The following TATDN3 variants were observed in gnomAD, a reference collection of about 807,000 sequenced individuals.
TATDN3 encodes deoxyribonuclease TATDN3.
In TATDN3, 29 loss-of-function variants were observed where a neutral mutation model predicts 40.1. The ratio of observed to expected loss-of-function variants is 0.72; its 90% CI spans 0.54 to 0.99. TATDN3 has a LOEUF of 0.99. Among genes scored for constraint, TATDN3 ranks in the 50% least tolerant of loss-of-function variants. The pLI, the probability that TATDN3 is intolerant of heterozygous loss-of-function variation, is 0.00. For synonymous variants in TATDN3, 105 were observed against 117.0 expected, an observed-to-expected ratio of 0.90 and a Z score of 0.66; for missense variants, 309 against 321.9, an observed-to-expected ratio of 0.96 and a Z score of 0.31.
intron 7 of TATDN3, among the ~76,000 whole-genome samples, chr1:212,806,753 T>C (rs1472019138): frequency 1.6e-5 from 1 of 62,464 alleles, no homozygotes; most frequent in African/African-American, 6.8e-5. Flanking sequence ...TCTCCATATA[T>C]ATATATATAT....
At chr1:212,811,369 G>A (rs966074806) in intron 8 of TATDN3, among the ~76,000 whole-genome samples, 5 of 152,056 alleles carry the variant, frequency 3.3e-5, no homozygotes, top group African/African-American at 1.2e-4. Context: ...CCAATCTCAA[G>A]TGATCAGCCT....
Position 212,812,622 on chromosome 1 carries a change from C to G in TATDN3, c.681+294C>G, listed in dbSNP as rs556112044. ...GACAAATTCAAATCCTGTTATCTAC[C>G]TAGTAGCTGACTTTGGGCAAGCTAC... On this transcript the variant is annotated intron_variant, in intron 9 of 9. Coordinates refer to ENST00000366974, the MANE Select transcript of TATDN3 (RefSeq NM_001042552.3). Among the ~76,000 whole-genome samples the G allele has an allele frequency of 1.6e-4, 24 of 152,174 alleles. No individual in the cohort carries two copies. The South Asian group carries it at 1.7e-3, about 10-fold the overall frequency.
At position 212,795,109 on chromosome 1, in the gene TATDN3, G is replaced by A. The variant is rs1202661308; in HGVS notation, c.81G>A (p.Val27=). The A allele has an allele frequency of 6.2e-7, 1 of 1,612,324 alleles. No homozygotes were observed. The highest frequency in any genetic ancestry group is 2.2e-5 in the East Asian group (1 of 44,796). ...GCTTGTTTTAGGATTTGGATGATGTGTTGGAGAAAGCCAAGAAGGTAAGTC... is the reference window on the plus strand; with the variant it reads ...GCTTGTTTTAGGATTTGGATGATGTATTGGAGAAAGCCAAGAAGGTAAGTC... ...APDFDRDLDD[V]LEKAKKANVV... The change falls in exon 2 of 10, where the codon GTG becomes GTA. Residue 27 remains valine (V), a synonymous_variant. Transcript: ENST00000366974.
intron 8 of TATDN3, among the ~76,000 whole-genome samples, chr1:212,809,611 G>A (rs372741041): frequency 6.6e-6 from 1 of 152,100 alleles, no homozygotes; most frequent in Non-Finnish European, 1.5e-5. Context: ...GTGAACCCGG[G>A]GGGGCAGAGC....
intron 2 of TATDN3, 85 bp downstream of exon 2, chr1:212,795,212 A>C (rs1558075142): frequency 1.2e-6 from 1 of 846,580 alleles, no homozygotes; most frequent in Non-Finnish European, 1.9e-6. Flanking sequence ...TAGATATACT[A>C]CCTTGATGTT....
rs1365575600 is a variant in TATDN3 at position 212,794,758 on chromosome 1, T to C, written c.67-337T>C. 6.1e-6 allele frequency: 3 copies of C among 489,756 alleles called. No homozygotes were observed. The East Asian group carries it at 1.7e-4, about 28-fold the overall frequency. 30.3% of individuals were successfully genotyped at this position (489,756 alleles called of 1,614,324 possible). The stretch of plus-strand genomic sequence containing the variant: ...CAAGTAGCCACCAATGAGAGAGTGG[T>C]ATTGCAGAAGTGAAGGGTGGAAAGC... On this transcript the variant is annotated intron_variant, in intron 1 of 9. Transcript: ENST00000366974.
rs937653952 is a variant in TATDN3, at chr1:212,815,113, C to T, written c.782C>T (p.Ala261Val). The change falls in exon 10 of 10, where the codon GCA (alanine) becomes GTA (valine). Residue 261 changes from alanine to valine, a missense_variant. Transcript: ENST00000366974. ...EEVIEVTTQN[A>V]LKLFPKLRHL... Reference sequence around the variant, plus strand: ...GTTATAGAAGTGACGACACAGAATGCATTAAAACTGTTTCCTAAGCTCCGA... The same window carrying T: ...GTTATAGAAGTGACGACACAGAATGTATTAAAACTGTTTCCTAAGCTCCGA... 11 of 1,613,650 alleles carry T rather than the reference C, an allele frequency of 6.8e-6. No homozygotes were observed. In the Admixed American group the frequency reaches 1.2e-4, roughly 17 times the overall value.
chr1:212,813,750 G>A (rs745585124), intron 9 of TATDN3, among the ~76,000 whole-genome samples: 7 of 151,502 alleles, frequency 4.6e-5, no homozygotes, highest in Non-Finnish European at 8.8e-5. Context: ...TTGCTCTGTC[G>A]CCCAGGCTGG....
At chr1:212,814,281 T>C (rs1663070245) in intron 9 of TATDN3, among the ~76,000 whole-genome samples, 1 of 152,232 alleles carries the variant, frequency 6.6e-6, no homozygotes, top group African/African-American at 2.4e-5. Context: ...TTTTAATTTT[T>C]TTGGGCTACA....
intron 9 of TATDN3, among the ~76,000 whole-genome samples, chr1:212,813,146 T>C (rs1319434706): frequency 6.6e-6 from 1 of 152,258 alleles, no homozygotes; most frequent in Non-Finnish European, 1.5e-5. Context: ...TGAAGTTCTA[T>C]TTCTTTCAAT....
rs371078708 is a variant in TATDN3, at chr1:212,797,031, C to T, written c.174-81C>T. 6.7e-5 allele frequency: 73 copies of T among 1,083,460 alleles called. No individual in the cohort carries two copies. In the East Asian group the frequency reaches 1.1e-3, roughly 16 times the overall value. 67.1% of individuals were successfully genotyped at this position (1,083,460 alleles called of 1,614,324 possible). ...AATTACAGACATAAGCCACCATGCC[C>T]GACCTCTACTTATTCTTTAGAATAC... is the stretch of plus-strand genomic sequence containing the variant. On this transcript the variant is annotated intron_variant, in intron 3 of 9. Coordinates refer to ENST00000366974, the MANE Select transcript of TATDN3 (RefSeq NM_001042552.3).
chr1:212,800,147 C>T (rs149610454), intron 4 of TATDN3, among the ~76,000 whole-genome samples: 212 of 152,198 alleles, frequency 1.4e-3, no homozygotes, highest in African/African-American at 4.8e-3. Flanking sequence ...TAACATATTC[C>T]TGAATTAATT....
chr1:212,807,946 A>C, intron 8 of TATDN3, 98 bp downstream of exon 8: 1 of 733,060 alleles, frequency 1.4e-6, no homozygotes, highest in Middle Eastern at 3.0e-4. Flanking sequence ...GTTACATTAC[A>C]AAAATTAATC....
At chr1:212,805,564 C>T (rs1662410659) in intron 7 of TATDN3, among the ~76,000 whole-genome samples, 2 of 152,026 alleles carry the variant, frequency 1.3e-5, no homozygotes, top group African/African-American at 2.4e-5. Flanking sequence ...CCAGCAGCTC[C>T]AGTTTCTTAA....
intron 2 of TATDN3, 47 bp downstream of exon 2, chr1:212,795,174 TC>T: frequency 1.3e-6 from 2 of 1,499,292 alleles, no homozygotes; most frequent in Non-Finnish European, 1.9e-6. Context: ...ATTTTAACTA[TC>T]ATTTCAAGCC....
chr1:212,796,370 A>G, intron 2 of TATDN3, 147 bp from the exon 3 acceptor site: 1 of 545,474 alleles, frequency 1.8e-6, no homozygotes, highest in South Asian at 3.9e-5. Context: ...TCTGAAACAT[A>G]GTAAATACTC....
At chr1:212,799,647 C>G (rs1340528293) in intron 4 of TATDN3, among the ~76,000 whole-genome samples, 2 of 151,842 alleles carry the variant, frequency 1.3e-5, no homozygotes. Context: ...AAGTGATTCT[C>G]GTGCCTCAGC....
intron 2 of TATDN3, among the ~76,000 whole-genome samples, chr1:212,795,618 G>A (rs1284107744): frequency 6.6e-6 from 1 of 151,958 alleles, no homozygotes; most frequent in Non-Finnish European, 1.5e-5. Flanking sequence ...TGACTATATT[G>A]CCCAGGCTGG....
intron 4 of TATDN3, among the ~76,000 whole-genome samples, chr1:212,800,720 C>T (rs1311434759): frequency 1.3e-5 from 2 of 151,992 alleles, no homozygotes; most frequent in Non-Finnish European, 2.9e-5. Context: ...CTTTCAGCAG[C>T]ATGGTGGAAA....
Sources: allele counts gnomAD v4.1 joint callset (sites outside exome capture counted in the v4.1 genomes callset), GRCh38; gene constraint gnomAD v4.1.1; transcripts MANE v1.5; gene names NCBI Gene and HGNC (gene_info 2026-07-23, HGNC 2026-07-21).